Variants in SDHA observed in about 807,000 individuals in gnomAD.
SDHA encodes the protein succinate dehydrogenase complex flavoprotein subunit A, also known as succinate dehydrogenase [ubiquinone] flavoprotein subunit, mitochondrial.
Under a neutral mutation model 78.4 loss-of-function variants are expected in SDHA, and 48 were observed. That is an observed-to-expected ratio of 0.61 (90% CI 0.49 to 0.78). The LOEUF is 0.78. SDHA is among the 30% of genes least tolerant of loss of function. The pLI is 0.00. For synonymous variants in SDHA, 326 were observed against 353.9 expected, an observed-to-expected ratio of 0.92 and a Z score of 0.88; for missense variants, 680 against 892.7, an observed-to-expected ratio of 0.76 and a Z score of 3.04.
chr5:254,966 G>A (rs202228677), intron 14 of SDHA, among the ~76,000 whole-genome samples: 1 of 152,118 alleles, frequency 6.6e-6, no homozygotes, highest in African/African-American at 2.4e-5. Flanking sequence ...AGGGGATGTG[G>A]TGCAGCCTTT....
rs1554001966 is a variant in SDHA, at chr5:251,449, A to G, written c.1775A>G (p.His592Arg). The stretch of plus-strand genomic sequence containing the variant: ...GCACGGAAGGAGTCACGGGGCGCGC[A>G]TGCCAGGGAAGACTACAAGGTGGGC... ...AEARKESRGAHAREDYKVRID... is the reference protein window; with the variant it reads ...AEARKESRGARAREDYKVRID... Residue 592 changes from histidine to arginine, a missense_variant, in exon 13 of 15, where the codon CAT (histidine) becomes CGT (arginine). Physicochemically the swap from His to Arg is conservative, Grantham distance 29. Transcript: ENST00000264932. 3.1e-6 allele frequency: 5 copies of G among 1,613,988 alleles called. No homozygotes were observed. The highest frequency in any genetic ancestry group is 4.2e-6 in the Non-Finnish European group (5 of 1,179,864).
chr5:223,159 G>A (rs1266177027), intron 1 of SDHA, among the ~76,000 whole-genome samples: 2 of 152,200 alleles, frequency 1.3e-5, no homozygotes, highest in Non-Finnish European at 2.9e-5. Context: ...CCACTAAGTA[G>A]CATACATTAA....
chr5:258,630 G>A (rs1579452949), downstream of SDHA, among the ~76,000 whole-genome samples: 1 of 103,418 alleles, frequency 9.7e-6, no homozygotes, highest in East Asian at 2.5e-4. Flanking sequence ...TACCGTGTGA[G>A]CTCCGCCTCC....
At chr5:220,896 T>C (rs1429123326) in intron 1 of SDHA, among the ~76,000 whole-genome samples, 1 of 151,000 alleles carries the variant, frequency 6.6e-6, no homozygotes, top group African/African-American at 2.5e-5. Flanking sequence ...CACTGCAAGC[T>C]CTGCCTCCCG....
At chr5:258,847 T>C (rs1172682413), downstream of SDHA, among the ~76,000 whole-genome samples, 2 of 59,042 alleles carry the variant, frequency 3.4e-5, no homozygotes, top group Non-Finnish European at 6.1e-5. Context: ...AGAGCATTAC[T>C]GTGAGCTCCT....
rs560849904 is a variant in SDHA, at chr5:218,946, C to G, written c.63+528C>G. Among the ~76,000 whole-genome samples the G allele has an allele frequency of 4.6e-5, 7 of 151,982 alleles. No homozygotes were observed. The East Asian group carries it at 1.2e-3, about 25-fold the overall frequency. ...GTGCGAGGAGTGGCCGGGCTCGGCC[C>G]GGTGGGCGTCCGGTGGGAAGCGTGG... On this transcript the variant is annotated intron_variant, in intron 1 of 14. Coordinates refer to ENST00000264932, the MANE Select transcript of SDHA (RefSeq NM_004168.4).
chr5:257,783 C>T (rs553435814), downstream of SDHA, among the ~76,000 whole-genome samples: 20 of 77,908 alleles, frequency 2.6e-4, no homozygotes, highest in Admixed American at 4.9e-4. Flanking sequence ...AGAGCATTAC[C>T]TTGTGAGCTC....
At chr5:242,637 C>A (rs1009440699) in intron 11 of SDHA, among the ~76,000 whole-genome samples, 1 of 152,098 alleles carries the variant, frequency 6.6e-6, no homozygotes, top group African/African-American at 2.4e-5. Flanking sequence ...TCTCCATGAC[C>A]GAGCTGGTCT....
At chr5:255,863 T>C (rs556562274) in intron 14 of SDHA, among the ~76,000 whole-genome samples, 1 of 152,362 alleles carries the variant, frequency 6.6e-6, no homozygotes, top group African/African-American at 2.4e-5. Flanking sequence ...TTCCTGTGTG[T>C]GCATATTTAA....
At position 218,343 on chromosome 5, in the gene SDHA, G is replaced by C. The variant is rs748423010; in HGVS notation, c.-13G>C. 1 of 1,448,978 alleles carries C rather than the reference G, an allele frequency of 6.9e-7. No individual in the cohort carries two copies. The highest frequency in any genetic ancestry group is 9.0e-7 in the Non-Finnish European group (1 of 1,109,774). 89.8% of individuals were successfully genotyped at this position (1,448,978 alleles called of 1,614,324 possible). ...GCAGGGACTGGCGGGACTGCGCGGC[G>C]GCAACAGCAGACATGTCGGGGGTCC... On this transcript the variant is annotated 5_prime_UTR_variant, in exon 1 of 15. Coordinates refer to ENST00000264932, the MANE Select transcript of SDHA (RefSeq NM_004168.4).
the SDHA span, among the ~76,000 whole-genome samples, chr5:268,401 C>G: frequency 6.6e-6 from 1 of 152,058 alleles, no homozygotes; most frequent in Non-Finnish European, 1.5e-5. Context: ...CCAGGATGGT[C>G]TTGATCCACC....
intron 8 of SDHA, chr5:234,435 A>AAAAC (rs1553999242): frequency 8.6e-6 from 1 of 116,820 alleles, no homozygotes; most frequent in African/African-American, 3.2e-5. Flanking sequence ...AAAAAAAAAA[A>AAAAC]AAAAAAAAAC....
chr5:258,893 C>T (rs1156617375), downstream of SDHA, among the ~76,000 whole-genome samples: 2 of 52,526 alleles, frequency 3.8e-5, no homozygotes, highest in East Asian at 2.8e-4. Context: ...CTCCGCCCTC[C>T]GCCAGAGCAT....
chr5:268,651 G>A, the SDHA span, among the ~76,000 whole-genome samples: 1 of 152,080 alleles, frequency 6.6e-6, no homozygotes, highest in Non-Finnish European at 1.5e-5. Flanking sequence ...AGTAAAATGT[G>A]GATATGGTGC....
downstream of SDHA, among the ~76,000 whole-genome samples, chr5:257,098 T>G (rs1737255747): frequency 6.6e-6 from 1 of 152,202 alleles, no homozygotes; most frequent in Non-Finnish European, 1.5e-5. Flanking sequence ...CCTGGCCTTG[T>G]AGTTTATTTC....
At chr5:233,958 G>C (rs1291891732) in intron 8 of SDHA, 2 of 383,870 alleles carry the variant, frequency 5.2e-6, no homozygotes, top group African/African-American at 4.1e-5. Flanking sequence ...TGTTGTGTCT[G>C]ATACCCACAG....
chr5:254,648 A>T, intron 14 of SDHA, 142 bp downstream of exon 14: 1 of 1,386,442 alleles, frequency 7.2e-7, no homozygotes. Context: ...ACCGCTGAAA[A>T]AGGCACTCCG....
At chr5:235,454 T>C in intron 9 of SDHA, 115 bp downstream of exon 9, 1 of 1,041,532 alleles carries the variant, frequency 9.6e-7, no homozygotes, top group East Asian at 2.5e-5. Context: ...TTCAAGAAAG[T>C]ACTGTATTGT....
chr5:231,862 A>C (rs966186914), intron 7 of SDHA, among the ~76,000 whole-genome samples: 43 of 152,218 alleles, frequency 2.8e-4, no homozygotes, highest in Admixed American at 2.8e-3. Context: ...CGCTGGGCTC[A>C]GCCCACGTGA....
Sources: allele counts gnomAD v4.1 joint callset (sites outside exome capture counted in the v4.1 genomes callset), GRCh38; gene constraint gnomAD v4.1.1; transcripts MANE v1.5; gene names NCBI Gene and HGNC (gene_info 2026-07-23, HGNC 2026-07-21).